Variants in IL1RAP observed in about 807,000 individuals in gnomAD.
IL1RAP encodes interleukin-1 receptor accessory protein.
In IL1RAP, 35 loss-of-function variants were observed where a neutral mutation model predicts 60.7. The observed-to-expected ratio is 0.58, with a 90% CI of 0.44 to 0.76. IL1RAP has a LOEUF of 0.76. Ranked by LOEUF, IL1RAP falls within the 30% of genes least tolerant of loss-of-function variation. IL1RAP has a pLI of 0.00. For synonymous variants in IL1RAP, 268 were observed against 250.9 expected (o/e 1.07, Z -0.64); for missense variants, 572 against 693.9 (o/e 0.82, Z 1.97).
downstream of IL1RAP, chr3:190,656,051 G>T: frequency 6.5e-7 from 1 of 1,537,178 alleles, no homozygotes; most frequent in Non-Finnish European, 8.7e-7. Flanking sequence ...GTTGAGTACC[G>T]TCCCCTTGAG....
intron 3 of IL1RAP, among the ~76,000 whole-genome samples, chr3:190,582,041 C>T (rs923391785): frequency 4.6e-5 from 7 of 152,190 alleles, no homozygotes; most frequent in African/African-American, 1.7e-4. Flanking sequence ...GGCTGCAGTT[C>T]AGTTCTGTTG....
chr3:190,621,789 A>G (rs2108797008), intron 6 of IL1RAP, among the ~76,000 whole-genome samples: 1 of 142,532 alleles, frequency 7.0e-6, no homozygotes, highest in Admixed American at 6.7e-5. Context: ...CTTTTCAAAA[A>G]TTAGGAAAAA....
At chr3:190,563,511 A>T (rs971966607) in intron 2 of IL1RAP, 11 of 152,206 alleles carry the variant, frequency 7.2e-5, no homozygotes, top group African/African-American at 2.7e-4. Context: ...CATCTTCAGC[A>T]TTAAATATCA....
chr3:190,568,596 G>A (rs541070027), intron 3 of IL1RAP, among the ~76,000 whole-genome samples: 1 of 152,136 alleles, frequency 6.6e-6, no homozygotes. Flanking sequence ...TTCAAGTTCT[G>A]TTTTACTCTG....
At chr3:190,636,186 G>A (rs1388715244) in intron 9 of IL1RAP, among the ~76,000 whole-genome samples, 3 of 152,180 alleles carry the variant, frequency 2.0e-5, no homozygotes, top group Non-Finnish European at 2.9e-5. Flanking sequence ...ATATTTTGTA[G>A]TTTCGAGTGG....
At position 190,614,685 on chromosome 3, in the gene IL1RAP, AC is replaced by A. The variant is rs374115737; in HGVS notation, c.537+5506del. Among the ~76,000 whole-genome samples the A allele has an allele frequency of 2.9e-3, 438 of 152,254 alleles. 2 individuals are homozygous for A. The highest frequency in any genetic ancestry group is 9.3e-3 in the African/African-American group (388 of 41,544). ...CCTATGTAATGTAATGTGTCAGGAAACCACACTTTTACACTTTCATATATAA... is the reference window on the plus strand; with the variant it reads ...CCTATGTAATGTAATGTGTCAGGAAACACACTTTTACACTTTCATATATAA... On this transcript the variant is annotated intron_variant, in intron 5 of 11. Transcript: ENST00000447382.
chr3:190,538,334 T>G (rs919456252), intron 1 of IL1RAP, among the ~76,000 whole-genome samples: 11 of 152,152 alleles, frequency 7.2e-5, no homozygotes, highest in African/African-American at 9.6e-5. Context: ...TTTTCCAGAT[T>G]CTCCTTATGC....
At chr3:190,529,891 A>G (rs1312414869) in intron 1 of IL1RAP, among the ~76,000 whole-genome samples, 1 of 151,336 alleles carries the variant, frequency 6.6e-6, no homozygotes, top group Non-Finnish European at 1.5e-5. Flanking sequence ...AAAAAGAAAG[A>G]GCAGTGGGCC....
At chr3:190,573,086 A>AAG (rs1727128582) in intron 3 of IL1RAP, among the ~76,000 whole-genome samples, 5 of 52,068 alleles carry the variant, frequency 9.6e-5, no homozygotes, top group Non-Finnish European at 1.9e-4. Flanking sequence ...GATGGTCTCG[A>AAG]TCTCCTGACC....
chr3:190,545,913 A>G (rs1051502895), intron 1 of IL1RAP, among the ~76,000 whole-genome samples: 1 of 152,172 alleles, frequency 6.6e-6, no homozygotes, highest in African/African-American at 2.4e-5. Flanking sequence ...TGTGAGTGAC[A>G]GAGTGTTTTA....
chr3:190,514,480 C>G (rs1399076327), intron 1 of IL1RAP, among the ~76,000 whole-genome samples: 2 of 152,138 alleles, frequency 1.3e-5, no homozygotes, highest in African/African-American at 4.8e-5. Flanking sequence ...GTTGCCGCCC[C>G]CATCCTCAGC....
intron 3 of IL1RAP, among the ~76,000 whole-genome samples, chr3:190,591,474 G>A (rs749361094): frequency 1.3e-5 from 2 of 152,002 alleles, no homozygotes; most frequent in East Asian, 1.9e-4. Flanking sequence ...GTCCTCTCTC[G>A]ACTGCATTCA....
In IL1RAP at chr3:190,557,123, T is replaced by C. The variant is rs180829859; in HGVS notation, c.-2+907T>C. On this transcript the variant is annotated intron_variant, in intron 2 of 11. Coordinates refer to ENST00000447382, the MANE Select transcript of IL1RAP (RefSeq NM_002182.4). ...ATTAACCATCAAGACAGTGAGCTAG[T>C]TACAGATCTTCCTAAGAGGTCAGTA... Among the ~76,000 whole-genome samples, 10 of 152,286 alleles carry C rather than the reference T, an allele frequency of 6.6e-5. No homozygotes were observed. In the East Asian group the frequency reaches 1.9e-3, roughly 29 times the overall value.
chr3:190,522,403 C>CTATCTATG (rs1228858381), intron 1 of IL1RAP, among the ~76,000 whole-genome samples: 4 of 134,974 alleles, frequency 3.0e-5, no homozygotes, highest in South Asian at 4.7e-4. Context: ...TTCTATGTAT[C>CTATCTATG]TATCTATGTA....
rs972363406 is a variant in IL1RAP at position 190,651,312 on chromosome 3, T to A, written c.*2607T>A. ...CTCTTCTGTATTGTAACTTAGATGA[T>A]TCCCAAGGACTCTAATAAAAAATCA... On this transcript the variant is annotated 3_prime_UTR_variant, in exon 12 of 12. Coordinates refer to ENST00000447382, the MANE Select transcript of IL1RAP (RefSeq NM_002182.4). The A allele has an allele frequency of 1.1e-6, 1 of 939,410 alleles. No homozygotes were observed. Among genetic ancestry groups the A allele is most frequent in the African/African-American group, 1.8e-5 (1 of 56,322 alleles). 58.2% of individuals were successfully genotyped at this position (939,410 alleles called of 1,614,324 possible).
In IL1RAP at chr3:190,644,016, A is replaced by C. The variant is rs1577816411; in HGVS notation, c.1052-232A>C. ...TCTGTTTTAATTTATATATTGTCAA[A>C]GACTATTCAAATAAAAAACACCTTC... On this transcript the variant is annotated intron_variant, in intron 9 of 11. Transcript: ENST00000447382. 1.0e-5 allele frequency: 4 copies of C among 394,836 alleles called. No individual in the cohort carries two copies. In the East Asian group the frequency reaches 6.5e-4, roughly 64 times the overall value. 24.5% of individuals were successfully genotyped at this position (394,836 alleles called of 1,614,324 possible). A position where few individuals can be genotyped will look rare whatever the true frequency, so the allele number is the denominator to read the frequency against.
chr3:190,629,833 G>C, intron 9 of IL1RAP: 3 of 1,012,906 alleles, frequency 3.0e-6, no homozygotes, highest in Non-Finnish European at 3.5e-6. Flanking sequence ...AAAACTGGTA[G>C]AGCCACATAT....
At chr3:190,525,322 C>T (rs1446581889) in intron 1 of IL1RAP, among the ~76,000 whole-genome samples, 1 of 152,112 alleles carries the variant, frequency 6.6e-6, no homozygotes, top group Non-Finnish European at 1.5e-5. Flanking sequence ...TGAACTAAGA[C>T]AAAAGCCTGA....
At chr3:190,562,235 C>G (rs1301508738) in intron 2 of IL1RAP, among the ~76,000 whole-genome samples, 1 of 152,182 alleles carries the variant, frequency 6.6e-6, no homozygotes, top group Non-Finnish European at 1.5e-5. Context: ...AATATCCATA[C>G]CAGTTCAAAT....
Sources: allele counts gnomAD v4.1 joint callset (sites outside exome capture counted in the v4.1 genomes callset), GRCh38; gene constraint gnomAD v4.1.1; transcripts MANE v1.5; gene names NCBI Gene and HGNC (gene_info 2026-07-23, HGNC 2026-07-21).